PRELP: variants seen among roughly 807,000 people sequenced by gnomAD.
PRELP encodes the protein proline and arginine rich end leucine rich repeat protein, also known as prolargin.
PRELP carries 16 observed loss-of-function variants against 22.8 expected under a neutral mutation model. That is an observed-to-expected ratio of 0.70 (90% CI 0.47 to 1.06). The LOEUF (loss-of-function observed/expected upper bound fraction) is 1.06, where lower values mean the gene tolerates loss of function less well. Among genes scored for constraint, PRELP ranks in the 50% least tolerant of loss-of-function variants. PRELP has a pLI of 0.00. For missense variants in PRELP, 434 were observed against 485.2 expected (o/e 0.89, Z 0.99); for synonymous variants, 233 against 211.4 (o/e 1.10, Z -0.89).
intron 1 of PRELP, among the ~76,000 whole-genome samples, chr1:203,480,745 T>C (rs999434872): frequency 5.3e-5 from 8 of 152,180 alleles, no homozygotes; most frequent in Admixed American, 1.3e-4. Context: ...AACTTGCTCC[T>C]GGGAGCATTT....
intron 2 of PRELP, among the ~76,000 whole-genome samples, chr1:203,486,367 CTTCA>C (rs781654729): frequency 1.3e-4 from 20 of 152,302 alleles, no homozygotes; most frequent in Non-Finnish European, 2.2e-4. Context: ...GCCTCCACAA[CTTCA>C]TTCAAACAGA....
intron 1 of PRELP, among the ~76,000 whole-genome samples, chr1:203,479,748 C>T (rs1042158017): frequency 1.4e-5 from 2 of 144,162 alleles, no homozygotes; most frequent in African/African-American, 5.1e-5. Context: ...CAAGGAGTCT[C>T]TCTAGAGAAT....
Position 203,482,591 on chromosome 1 carries a change from C to CTTTTTTTTTTTTT in PRELP, c.-16-566_-16-554dup, listed in dbSNP as rs58787817. Among the ~76,000 whole-genome samples the CTTTTTTTTTTTTT allele has an allele frequency of 1.2e-4, 6 of 51,076 alleles. 1 individual carries two copies. Among genetic ancestry groups the CTTTTTTTTTTTTT allele is most frequent in the South Asian group, 2.0e-3 (2 of 1,018 alleles). The allele number at this position is 51,076 out of a possible 152,430, so 33.5% of individuals were successfully genotyped here. ...CACTGTCCCACCAGCCCCAATGTGC[C>CTTTTTTTTTTTTT]TTTTTTTTTTTTTTTTTTTTTTTTG... On this transcript the variant is annotated intron_variant, in intron 1 of 2. Coordinates refer to ENST00000343110, the MANE Select transcript of PRELP (RefSeq NM_002725.4).
Position 203,488,539 on chromosome 1 carries a change from T to C in PRELP, c.*1658T>C, listed in dbSNP as rs1015930493. 6.6e-6 allele frequency: 1 copy of C among 152,102 alleles called. No individual in the cohort carries two copies. The highest frequency in any genetic ancestry group is 2.4e-5 in the African/African-American group (1 of 41,418). 9.4% of individuals were successfully genotyped at this position (152,102 alleles called of 1,614,324 possible). A position where few individuals can be genotyped will look rare whatever the true frequency, so the allele number is the denominator to read the frequency against. On this transcript the variant is annotated 3_prime_UTR_variant, in exon 3 of 3. Transcript: ENST00000343110. ...CGTCTCAAAAAAGAAAAAAAAAAGA[T>C]GCTCCTCTGAGGTCCCTCCGGCGCT... is the stretch of plus-strand genomic sequence containing the variant.
chr1:203,482,593 T>TTTTTG (rs1661022148), intron 1 of PRELP, among the ~76,000 whole-genome samples: 1 of 106,928 alleles, frequency 9.4e-6, no homozygotes, highest in Non-Finnish European at 1.9e-5. Flanking sequence ...CAATGTGCCT[T>TTTTTG]TTTTTTTTTT....
At chr1:203,479,878 G>A (rs1389247753) in intron 1 of PRELP, among the ~76,000 whole-genome samples, 1 of 152,020 alleles carries the variant, frequency 6.6e-6, no homozygotes, top group Non-Finnish European at 1.5e-5. Context: ...TGAGGAGCCC[G>A]GGTTGGAGAG....
chr1:203,478,479 C>G (rs935864207), intron 1 of PRELP, among the ~76,000 whole-genome samples: 5 of 152,254 alleles, frequency 3.3e-5, no homozygotes, highest in African/African-American at 9.6e-5. Flanking sequence ...GTGGTAGACA[C>G]TGGGGAGACA....
At position 203,483,426 on chromosome 1, in the gene PRELP, CT is replaced by C; in HGVS notation, c.243del (p.Asp82IlefsTer60). 4 of 1,614,202 alleles carry C rather than the reference CT, an allele frequency of 2.5e-6. No homozygotes were observed. The highest frequency in any genetic ancestry group is 2.2e-5 in the East Asian group (1 of 44,872). On this transcript the variant is annotated frameshift_variant, in exon 2 of 3. Transcript: ENST00000343110. LOFTEE classifies it high-confidence loss of function. This position sits in a 1 kb window ranked among gnomAD's most constrained non-coding sequence, Gnocchi z 4.4. ...TGTCCCCGCGAATGCTACTGCCCCC[CT>C]GATTTCCCATCTGCCCTCTACTGTG... ...PDCPRECYCP[P>X]DFPSALYCDS...
Position 203,483,565 on chromosome 1 carries a change from C to A in PRELP, c.381C>A (p.Gly127=), listed in dbSNP as rs768707202. The A allele has an allele frequency of 1.2e-6, 2 of 1,614,234 alleles. No individual in the cohort carries two copies. The highest frequency in any genetic ancestry group is 2.2e-5 in the East Asian group (1 of 44,874). The part of the protein sequence containing the change: ...LPVESFQNAT[G]LRWINLDNNR... ...TGGAGTCCTTCCAGAATGCCACAGG[C>A]CTGCGATGGATTAACCTGGACAACA... is the stretch of plus-strand genomic sequence containing the variant. The change falls in exon 2 of 3, where the codon GGC becomes GGA. Residue 127 remains glycine (G), a synonymous_variant. Transcript: ENST00000343110. The surrounding 1 kb of genome is among the most constrained non-coding windows in gnomAD (Gnocchi z 4.4).
In PRELP at chr1:203,483,213, C is replaced by T. The variant is rs148428979; in HGVS notation, c.29C>T (p.Pro10Leu). The T allele has an allele frequency of 5.0e-4, 781 of 1,563,348 alleles. 5 individuals are homozygous for T. The East Asian group carries it at 0.016, about 32-fold the overall frequency. Residue 10 changes from proline (P) to leucine (L), a missense_variant, in exon 2 of 3, where the codon CCA (proline) becomes CTA (leucine). Pro to Leu is a moderately conservative substitution (Grantham distance 98). Coordinates refer to ENST00000343110, the MANE Select transcript of PRELP (RefSeq NM_002725.4). The surrounding 1 kb of genome is among the most constrained non-coding windows in gnomAD (Gnocchi z 4.4). ...AGGTCACCCCTCTGCTGGCTCCTCCCACTTCTCATCTTGGCCTCAGTGGCC... is the reference window on the plus strand; with the variant it reads ...AGGTCACCCCTCTGCTGGCTCCTCCTACTTCTCATCTTGGCCTCAGTGGCC... Reference protein sequence around the residue: MRSPLCWLLPLLILASVAQG... With the variant: MRSPLCWLLLLLILASVAQG...
chr1:203,487,343 C>T lies in PRELP; in HGVS notation c.*462C>T, dbSNP rs1044415644. The T allele has an allele frequency of 2.0e-5, 3 of 153,616 alleles. No individual in the cohort carries two copies. Among genetic ancestry groups the T allele is most frequent in the African/African-American group, 7.2e-5 (3 of 41,628 alleles). The allele number at this position is 153,616 out of a possible 1,614,324, so 9.5% of individuals were successfully genotyped here. Reference sequence around the variant, plus strand: ...AAAGAGGCCGAGAAACCCAGTTCTCCTGGGCCAAGGATCCCTTCTGGCAAA... The same window carrying T: ...AAAGAGGCCGAGAAACCCAGTTCTCTTGGGCCAAGGATCCCTTCTGGCAAA... On this transcript the variant is annotated 3_prime_UTR_variant, in exon 3 of 3. Transcript: ENST00000343110.
chr1:203,478,648 C>T (rs1188637081), intron 1 of PRELP, among the ~76,000 whole-genome samples: 1 of 152,106 alleles, frequency 6.6e-6, no homozygotes, highest in Non-Finnish European at 1.5e-5. Flanking sequence ...AAAACTGAGG[C>T]CCAGAACAGG....
chr1:203,478,425 T>A (rs1330546224), intron 1 of PRELP, among the ~76,000 whole-genome samples: 1 of 152,242 alleles, frequency 6.6e-6, no homozygotes, highest in Non-Finnish European at 1.5e-5. Context: ...TCTAAACTAG[T>A]GGCCTGAGGC....
Position 203,490,315 on chromosome 1 carries a change from AAATT to A in PRELP, c.*3438_*3441del, listed in dbSNP as rs1661170785. ...CTCGCAAACTCACAACCCTCATGAA[AAATT>A]AATCCTCAGTTCCACGAGACTGCCC... On this transcript the variant is annotated 3_prime_UTR_variant, in exon 3 of 3. Coordinates refer to ENST00000343110, the MANE Select transcript of PRELP (RefSeq NM_002725.4). 1 of 152,124 alleles carries A rather than the reference AAATT, an allele frequency of 6.6e-6. No homozygotes were observed. The highest frequency in any genetic ancestry group is 2.1e-4 in the South Asian group (1 of 4,826). The allele number at this position is 152,124 out of a possible 1,614,324, so 9.4% of individuals were successfully genotyped here.
At chr1:203,480,257 C>G (rs948995569) in intron 1 of PRELP, among the ~76,000 whole-genome samples, 2 of 152,142 alleles carry the variant, frequency 1.3e-5, no homozygotes, top group African/African-American at 4.8e-5. Flanking sequence ...AGGTGGTCAA[C>G]AAACCTTCAC....
chr1:203,480,411 A>G (rs1660979993), intron 1 of PRELP, among the ~76,000 whole-genome samples: 1 of 152,256 alleles, frequency 6.6e-6, no homozygotes, highest in Non-Finnish European at 1.5e-5. Flanking sequence ...AGGCAGGAGC[A>G]TAGAGTGTGG....
Position 203,478,770 on chromosome 1 carries a change from C to T in PRELP, c.-17+2832C>T, listed in dbSNP as rs142032550. ...CAAGCTCATCCTTGTATCGTTTCAC[C>T]TTCCTAGAAAGGGGCATCTTGAAGT... On this transcript the variant is annotated intron_variant, in intron 1 of 2. Transcript: ENST00000343110. Among the ~76,000 whole-genome samples, 135 of 152,202 alleles carry T rather than the reference C, an allele frequency of 8.9e-4. 4 individuals carry two copies. In the East Asian group the frequency reaches 0.024, roughly 27 times the overall value.
intron 1 of PRELP, among the ~76,000 whole-genome samples, chr1:203,482,036 C>T (rs1661008426): frequency 6.6e-6 from 1 of 152,206 alleles, no homozygotes; most frequent in East Asian, 1.9e-4. Context: ...TCCTCAGTCT[C>T]CTCCCCACAG....
rs1462903652 is a variant in PRELP at position 203,486,864 on chromosome 1, C to T, written c.1132C>T (p.Gln378Ter). The T allele has an allele frequency of 2.2e-5, 36 of 1,613,682 alleles. No individual in the cohort carries two copies. Among genetic ancestry groups the T allele is most frequent in the Non-Finnish European group, 2.9e-5 (34 of 1,179,836 alleles). ...CCTCATGATGTGCTTCCGCCTCCTGCAGTCCGTGGTCATCTAGGCCCTACT... is the reference window on the plus strand; with the variant it reads ...CCTCATGATGTGCTTCCGCCTCCTGTAGTCCGTGGTCATCTAGGCCCTACT... ...LDLMMCFRLL[Q>*]SVVI The change falls in exon 3 of 3, where the codon CAG becomes TAG. Residue 378 changes from glutamine to a stop codon, truncating the protein, a stop_gained. Transcript: ENST00000343110. LOFTEE classifies it high-confidence loss of function.
Sources: allele counts gnomAD v4.1 joint callset (sites outside exome capture counted in the v4.1 genomes callset), GRCh38; gene constraint gnomAD v4.1.1; non-coding constraint Gnocchi (gnomAD v3.1); transcripts MANE v1.5; gene names NCBI Gene and HGNC (gene_info 2026-07-23, HGNC 2026-07-21).